Variants in SFXN5 observed in about 807,000 individuals in gnomAD.
SFXN5 encodes the protein sideroflexin 5, also known as sideroflexin-5.
SFXN5 carries 43 observed loss-of-function variants against 50.2 expected under a neutral mutation model. The ratio of observed to expected loss-of-function variants is 0.86; its 90% confidence interval spans 0.67 to 1.11. The LOEUF is 1.11. Ranked by LOEUF, SFXN5 falls within the 50% of genes least tolerant of loss-of-function variation. The pLI, the probability that SFXN5 is intolerant of heterozygous loss-of-function variation, is 0.00. For missense variants in SFXN5, 463 were observed against 454.1 expected, an observed-to-expected ratio of 1.02 and a Z score of -0.18; for synonymous variants, 203 against 185.8, an observed-to-expected ratio of 1.09 and a Z score of -0.75.
At chr2:73,048,187 G>A (rs567235829) in intron 2 of SFXN5, among the ~76,000 whole-genome samples, 22 of 152,130 alleles carry the variant, frequency 1.4e-4, no homozygotes, top group African/African-American at 5.3e-4. Context: ...TATTTATATA[G>A]AGATATAGAT....
intron 6 of SFXN5, among the ~76,000 whole-genome samples, chr2:73,014,393 C>T (rs776515083): frequency 3.3e-5 from 5 of 152,114 alleles, no homozygotes; most frequent in South Asian, 2.1e-4. Context: ...GGCATGTCTC[C>T]AGGTTCTCTG....
intron 9 of SFXN5, among the ~76,000 whole-genome samples, chr2:72,994,054 C>G (rs958643605): frequency 6.6e-6 from 1 of 152,190 alleles, no homozygotes; most frequent in African/African-American, 2.4e-5. Flanking sequence ...CTCCTCCAAC[C>G]TAGAAGCTGA....
intron 1 of SFXN5, among the ~76,000 whole-genome samples, chr2:73,065,899 G>C (rs1452757698): frequency 6.6e-6 from 1 of 152,216 alleles, no homozygotes; most frequent in Admixed American, 6.5e-5. Context: ...ACAAATGGGA[G>C]AAAGTATGTG....
In SFXN5 at chr2:72,961,508, G is replaced by A. The variant is rs928544399; in HGVS notation, c.828-260C>T. ...CTGAAACCTCAATTACTCAGGTCAC[G>A]AATGAGTACTTTCGGGGCACCCACC... On this transcript the variant is annotated intron_variant, in intron 12 of 13. Coordinates refer to ENST00000272433, the MANE Select transcript of SFXN5 (RefSeq NM_144579.3). The surrounding 1 kb of genome is among the most constrained non-coding windows in gnomAD (Gnocchi z 4.4). Among the ~76,000 whole-genome samples, 6 of 152,180 alleles carry A rather than the reference G, an allele frequency of 3.9e-5. No individual in the cohort carries two copies. The highest frequency in any genetic ancestry group is 5.9e-5 in the Non-Finnish European group (4 of 68,038).
At position 73,055,783 on chromosome 2, in the gene SFXN5, AT is replaced by A. The variant is rs891238515; in HGVS notation, c.171+2744del. ...AGACACCCACTACCACGCCTGGCTA[AT>A]TTTTTTGTATTTTCAGTAGAGACCG... On this transcript the variant is annotated intron_variant, in intron 2 of 13. Coordinates refer to ENST00000272433, the MANE Select transcript of SFXN5 (RefSeq NM_144579.3). Among the ~76,000 whole-genome samples, 147 of 152,022 alleles carry A rather than the reference AT, an allele frequency of 9.7e-4. 1 individual carries two copies. Among genetic ancestry groups the A allele is most frequent in the African/African-American group, 3.4e-3 (141 of 41,484 alleles).
At chr2:72,996,353 C>T (rs974603809) in intron 9 of SFXN5, among the ~76,000 whole-genome samples, 2 of 152,114 alleles carry the variant, frequency 1.3e-5, no homozygotes, top group Non-Finnish European at 2.9e-5. Flanking sequence ...CTCCAAGTCC[C>T]CCAGTAACTC....
chr2:72,996,125 C>T (rs1378732853), intron 9 of SFXN5, among the ~76,000 whole-genome samples: 3 of 152,178 alleles, frequency 2.0e-5, no homozygotes, highest in Non-Finnish European at 4.4e-5. Flanking sequence ...ACTAAGGGGA[C>T]AGGGACACAG....
chr2:72,999,523 A>G (rs1673644345), intron 8 of SFXN5, among the ~76,000 whole-genome samples: 1 of 151,874 alleles, frequency 6.6e-6, no homozygotes, highest in Admixed American at 6.6e-5. Context: ...TCCAACACAG[A>G]CAATTAAGAA....
At chr2:72,972,915 G>T (rs892501385) in intron 10 of SFXN5, among the ~76,000 whole-genome samples, 3 of 151,668 alleles carry the variant, frequency 2.0e-5, no homozygotes, top group Non-Finnish European at 4.4e-5. Flanking sequence ...TCCTTCCAGT[G>T]GGGGGGGCCA....
chr2:73,000,976 C>A (rs1405099579), intron 7 of SFXN5, among the ~76,000 whole-genome samples: 3 of 152,236 alleles, frequency 2.0e-5, no homozygotes, highest in African/African-American at 7.2e-5. Flanking sequence ...ACATTTTCTC[C>A]TAGAAGACAG....
rs113831521 is a variant in SFXN5 at position 72,945,283 on chromosome 2, G to A, written c.946-184C>T. 2.8e-4 allele frequency among the ~76,000 whole-genome samples: 43 copies of A among 152,088 alleles called. No individual in the cohort carries two copies. The highest frequency in any genetic ancestry group is 9.9e-4 in the African/African-American group (41 of 41,476). ...CTTCCTTCTCCACCGCCCTCCCGCCGCGGGGCTCACAGCATCCCTTCCAGC... is the reference window on the plus strand; with the variant it reads ...CTTCCTTCTCCACCGCCCTCCCGCCACGGGGCTCACAGCATCCCTTCCAGC... On this transcript the variant is annotated intron_variant, in intron 13 of 13. Coordinates refer to ENST00000272433, the MANE Select transcript of SFXN5 (RefSeq NM_144579.3). The surrounding 1 kb of genome is among the most constrained non-coding windows in gnomAD (Gnocchi z 5.8).
rs751219081 is a variant in SFXN5, at chr2:72,945,054, T to G, written c.991A>C (p.Ser331Arg). 5 of 1,613,912 alleles carry G rather than the reference T, an allele frequency of 3.1e-6. No individual in the cohort carries two copies. Among genetic ancestry groups the G allele is most frequent in the Non-Finnish European group, 3.4e-6 (4 of 1,179,922 alleles). Residue 331 changes from serine to arginine, a missense_variant, in exon 14 of 14, where the codon AGC becomes CGC. Transcript: ENST00000272433. This position sits in a 1 kb window ranked among gnomAD's most constrained non-coding sequence, Gnocchi z 5.8. ...CCCTTGTTGTACACCACTGTCCGGC[T>G]GCTCGTGGCCTGGGCTATCTCCGGC... Reference protein sequence around the residue: ...LEPEIAQATSSRTVVYNKGL With the variant: ...LEPEIAQATSRRTVVYNKGL
At chr2:73,016,236 A>G (rs1676129139) in intron 6 of SFXN5, among the ~76,000 whole-genome samples, 1 of 152,238 alleles carries the variant, frequency 6.6e-6, no homozygotes. Context: ...TTCCAACAAT[A>G]TCACAAGATT....
intron 10 of SFXN5, among the ~76,000 whole-genome samples, chr2:72,972,047 C>G (rs1275118759): frequency 1.3e-5 from 2 of 152,216 alleles, no homozygotes; most frequent in Non-Finnish European, 2.9e-5. Flanking sequence ...TCGCATCCCC[C>G]CTGACCCCGA....
intron 13 of SFXN5, chr2:72,957,205 T>C: frequency 2.5e-6 from 1 of 392,340 alleles, no homozygotes; most frequent in African/African-American, 2.1e-5. Flanking sequence ...TCTGACTGTC[T>C]AGGAATCATC....
chr2:72,957,001 C>T (rs1193717935), intron 13 of SFXN5: 3 of 456,680 alleles, frequency 6.6e-6, no homozygotes, highest in Non-Finnish European at 1.3e-5. Context: ...ACAGCCCCTC[C>T]TCTTTGAATC....
At position 72,945,038 on chromosome 2, in the gene SFXN5, T is replaced by G; in HGVS notation, c.1007A>C (p.Tyr336Ser). 6.2e-7 allele frequency: 1 copy of G among 1,613,936 alleles called. No homozygotes were observed. The highest frequency in any genetic ancestry group is 1.3e-5 in the African/African-American group (1 of 75,048). The change falls in exon 14 of 14, where the codon TAC becomes TCC. Residue 336 changes from tyrosine (Y) to serine (S), a missense_variant. Tyr to Ser is a moderately radical substitution (Grantham distance 144). Coordinates refer to ENST00000272433, the MANE Select transcript of SFXN5 (RefSeq NM_144579.3). The surrounding 1 kb of genome is among the most constrained non-coding windows in gnomAD (Gnocchi z 5.8). ...TGACCACACTCACAACCCCTTGTTG[T>G]ACACCACTGTCCGGCTGCTCGTGGC... is the stretch of plus-strand genomic sequence containing the variant. ...AQATSSRTVV[Y>S]NKGL is the part of the protein sequence containing the mutation.
chr2:72,950,792 G>A lies in SFXN5; in HGVS notation c.946-5693C>T, dbSNP rs1426574021. ...CCTGCTGCCCAACCAACTCCACCCC[G>A]CAGAAGGCCAGAGCCCCAGGGCAGT... is the stretch of plus-strand genomic sequence containing the variant. On this transcript the variant is annotated intron_variant, in intron 13 of 13. Coordinates refer to ENST00000272433, the MANE Select transcript of SFXN5 (RefSeq NM_144579.3). The surrounding 1 kb of genome is among the most constrained non-coding windows in gnomAD (Gnocchi z 4.2). 2.6e-5 allele frequency among the ~76,000 whole-genome samples: 4 copies of A among 152,232 alleles called. No homozygotes were observed. Among genetic ancestry groups the A allele is most frequent in the Admixed American group, 2.0e-4 (3 of 15,290 alleles).
intron 2 of SFXN5, among the ~76,000 whole-genome samples, chr2:73,051,024 A>G (rs1681246731): frequency 6.6e-6 from 1 of 152,208 alleles, no homozygotes; most frequent in South Asian, 2.1e-4. Flanking sequence ...AAGTCCTAGG[A>G]CACAGGCATA....
Sources: allele counts gnomAD v4.1 joint callset (sites outside exome capture counted in the v4.1 genomes callset), GRCh38; gene constraint gnomAD v4.1.1; non-coding constraint Gnocchi (gnomAD v3.1); transcripts MANE v1.5; gene names NCBI Gene and HGNC (gene_info 2026-07-23, HGNC 2026-07-21).